LCP2: variants seen among roughly 807,000 people sequenced by gnomAD.
LCP2 encodes the protein 76 kDa tyrosine phosphoprotein.
In LCP2, 29 loss-of-function variants were observed where a neutral mutation model predicts 74.5. The ratio of observed to expected loss-of-function variants is 0.39; its 90% CI spans 0.29 to 0.53. The LOEUF (loss-of-function observed/expected upper bound fraction) is 0.53. Ranked by LOEUF, LCP2 falls within the 20% of genes least tolerant of loss-of-function variation. LCP2 has a pLI of 0.72. For missense variants in LCP2, 604 were observed against 634.6 expected, an observed-to-expected ratio of 0.95 and a Z score of 0.52; for synonymous variants, 228 against 229.5, an observed-to-expected ratio of 0.99 and a Z score of 0.06.
chr5:170,275,010 G>C lies in LCP2; in HGVS notation c.286+310C>G, dbSNP rs183438207. On this transcript the variant is annotated intron_variant, in intron 5 of 20. Transcript: ENST00000046794. Reference sequence around the variant, plus strand: ...AAAAAAAAAAACTCAGATGCAGGGGGACTAGCTAAGCTCAGGTGCTCACTC... The same window carrying C: ...AAAAAAAAAAACTCAGATGCAGGGGCACTAGCTAAGCTCAGGTGCTCACTC... Among the ~76,000 whole-genome samples the C allele has an allele frequency of 3.1e-3, 473 of 151,942 alleles. 1 individual carries two copies. The highest frequency in any genetic ancestry group is 5.3e-3 in the Non-Finnish European group (359 of 67,956).
At chr5:170,288,064 G>A in intron 2 of LCP2, 48 bp from the exon 3 acceptor site, 2 of 1,567,348 alleles carry the variant, frequency 1.3e-6, no homozygotes, top group South Asian at 1.1e-5. Context: ...CACAGAAAGG[G>A]CTCTGAGCAG....
chr5:170,251,935 TAA>T (rs1285491177), intron 19 of LCP2: 1 of 246,652 alleles, frequency 4.1e-6, no homozygotes, highest in Non-Finnish European at 8.5e-6. Context: ...AAATCTAAGG[TAA>T]AGTTTCGGCA....
chr5:170,296,994 C>G (rs746042606), intron 1 of LCP2, among the ~76,000 whole-genome samples: 9 of 152,210 alleles, frequency 5.9e-5, no homozygotes, highest in Non-Finnish European at 1.2e-4. Flanking sequence ...AGTCCTCTAT[C>G]CAGCCCTCCC....
chr5:170,294,225 A>T (rs1349865096), intron 1 of LCP2, among the ~76,000 whole-genome samples: 1 of 152,206 alleles, frequency 6.6e-6, no homozygotes, highest in African/African-American at 2.4e-5. Context: ...ATGCAGCTTC[A>T]TTTGTTTGCA....
At chr5:170,262,602 G>A (rs1323438638) in intron 13 of LCP2, 33 bp downstream of exon 13, 7 of 1,529,538 alleles carry the variant, frequency 4.6e-6, no homozygotes, top group South Asian at 2.3e-5. Flanking sequence ...CGGCCACTGT[G>A]AGTGACAAGC....
intron 19 of LCP2, chr5:170,251,853 C>T: frequency 6.6e-6 from 2 of 305,146 alleles, no homozygotes; most frequent in Non-Finnish European, 1.4e-5. Flanking sequence ...TGTGCAACTA[C>T]TACTGAGAAC....
rs937659357 is a variant in LCP2 at position 170,256,236 on chromosome 5, A to G, written c.1150+290T>C. On this transcript the variant is annotated intron_variant, in intron 17 of 20. Transcript: ENST00000046794. This position sits in a 1 kb window ranked among gnomAD's most constrained non-coding sequence, Gnocchi z 4.5. ...TGTATATATGTGTATACCTGTGTGC[A>G]CATGTATATATGTGTACATGTGTAT... is the stretch of plus-strand genomic sequence containing the variant. Among the ~76,000 whole-genome samples, 1 of 151,948 alleles carries G rather than the reference A, an allele frequency of 6.6e-6. No individual in the cohort carries two copies. Among genetic ancestry groups the G allele is most frequent in the Non-Finnish European group, 1.5e-5 (1 of 67,970 alleles).
intron 7 of LCP2, among the ~76,000 whole-genome samples, chr5:170,269,140 C>G (rs960891849): frequency 6.6e-6 from 1 of 152,212 alleles, no homozygotes; most frequent in African/African-American, 2.4e-5. Context: ...CTTCTGTTAC[C>G]AGACCACAGA....
chr5:170,293,782 A>G (rs927388827), intron 1 of LCP2, among the ~76,000 whole-genome samples: 1 of 152,254 alleles, frequency 6.6e-6, no homozygotes, highest in Admixed American at 6.5e-5. Context: ...GTTATGATTT[A>G]TATTCAATCT....
chr5:170,294,292 T>C (rs1000485431), intron 1 of LCP2, among the ~76,000 whole-genome samples: 4 of 152,214 alleles, frequency 2.6e-5, no homozygotes, highest in Admixed American at 1.3e-4. Context: ...CGAACTTTTT[T>C]CTCCCTCTTT....
At position 170,289,977 on chromosome 5, in the gene LCP2, G is replaced by A. The variant is rs6862642; in HGVS notation, c.142-1961C>T. Reference sequence around the variant, plus strand: ...GAATTTCAGGAAGATTGTGGAGGAGGAGGTGGACATGAGCCTGGCTGGAGA... The same window carrying A: ...GAATTTCAGGAAGATTGTGGAGGAGAAGGTGGACATGAGCCTGGCTGGAGA... On this transcript the variant is annotated intron_variant, in intron 2 of 20. Coordinates refer to ENST00000046794, the MANE Select transcript of LCP2 (RefSeq NM_005565.5). Among the ~76,000 whole-genome samples the A allele has an allele frequency of 1.8e-3, 276 of 152,194 alleles. 2 individuals carry two copies. The highest frequency in any genetic ancestry group is 6.3e-3 in the African/African-American group (263 of 41,518).
chr5:170,252,436 G>C lies in LCP2; in HGVS notation c.1321C>G (p.Gln441Glu). 1 of 1,538,474 alleles carries C rather than the reference G, an allele frequency of 6.5e-7. No homozygotes were observed. Among genetic ancestry groups the C allele is most frequent in the Non-Finnish European group, 9.0e-7 (1 of 1,116,518 alleles). Reference sequence around the variant, plus strand: ...TAAAATAAACTATAGCACAATACCTGGTTTATCTTTCTAAGAGCAGCTTCT... The same window carrying C: ...TAAAATAAACTATAGCACAATACCTCGTTTATCTTTCTAAGAGCAGCTTCT... ...EAEAALRKINQDGTFLVRDSS... is the reference protein window; with the variant it reads ...EAEAALRKINEDGTFLVRDSS... Residue 441 changes from glutamine to glutamate, a missense_variant and splice_region_variant, in exon 19 of 21, where the codon CAG (glutamine) becomes GAG (glutamate). Coordinates refer to ENST00000046794, the MANE Select transcript of LCP2 (RefSeq NM_005565.5).
chr5:170,270,587 A>T, intron 7 of LCP2, 132 bp downstream of exon 7: 1 of 713,154 alleles, frequency 1.4e-6, no homozygotes, highest in Non-Finnish European at 2.3e-6. Context: ...CATAGCTGTT[A>T]AGAAGCCGAG....
chr5:170,294,147 C>T (rs750169097), intron 1 of LCP2, among the ~76,000 whole-genome samples: 1 of 152,172 alleles, frequency 6.6e-6, no homozygotes. Flanking sequence ...TTTAATGTCT[C>T]TTTCAGAAAT....
chr5:170,281,527 G>A (rs377669566), intron 3 of LCP2, among the ~76,000 whole-genome samples: 10 of 152,280 alleles, frequency 6.6e-5, no homozygotes, highest in East Asian at 1.9e-4. Flanking sequence ...TGATCCGCCC[G>A]CCTTGGCCTC....
chr5:170,248,677 A>T lies in LCP2; in HGVS notation c.*20T>A. 6.3e-7 allele frequency: 1 copy of T among 1,577,176 alleles called. No individual in the cohort carries two copies. The highest frequency in any genetic ancestry group is 8.6e-7 in the Non-Finnish European group (1 of 1,162,156). ...GGCAACAGAGGCAGGAGGACGGTTC[A>T]TTTGCTCGGCTATAACTTGCTATGG... On this transcript the variant is annotated 3_prime_UTR_variant, in exon 21 of 21. Transcript: ENST00000046794.
rs950443175 is a variant in LCP2 at position 170,248,597 on chromosome 5, G to T, written c.*100C>A. ...AAAACCCTTGTGTTCATGGGGAGGGGTTCAGTTCAGTCCTAAGTGTTTGTC... is the reference window on the plus strand; with the variant it reads ...AAAACCCTTGTGTTCATGGGGAGGGTTTCAGTTCAGTCCTAAGTGTTTGTC... On this transcript the variant is annotated 3_prime_UTR_variant, in exon 21 of 21. Coordinates refer to ENST00000046794, the MANE Select transcript of LCP2 (RefSeq NM_005565.5). 4 of 1,289,066 alleles carry T rather than the reference G, an allele frequency of 3.1e-6. No individual in the cohort carries two copies. Among genetic ancestry groups the T allele is most frequent in the Middle Eastern group, 1.9e-4 (1 of 5,250 alleles). The allele number at this position is 1,289,066 out of a possible 1,614,324, so 79.9% of individuals were successfully genotyped here.
At chr5:170,291,230 G>GAAGGAAGGAAGA (rs1762291766) in intron 2 of LCP2, among the ~76,000 whole-genome samples, 2 of 139,162 alleles carry the variant, frequency 1.4e-5, no homozygotes, top group African/African-American at 5.2e-5. Context: ...AGGAAGAAAG[G>GAAGGAAGGAAGA]AAGGAAGGAA....
At chr5:170,265,266 C>T (rs140565502) in intron 10 of LCP2, among the ~76,000 whole-genome samples, 1 of 152,112 alleles carries the variant, frequency 6.6e-6, no homozygotes, top group Admixed American at 6.5e-5. Context: ...GGATTACAGG[C>T]ATGAGCCACC....
Sources: allele counts gnomAD v4.1 joint callset (sites outside exome capture counted in the v4.1 genomes callset), GRCh38; gene constraint gnomAD v4.1.1; non-coding constraint Gnocchi (gnomAD v3.1); transcripts MANE v1.5; gene names NCBI Gene and HGNC (gene_info 2026-07-23, HGNC 2026-07-21).